Variants in CLUL1 observed in about 807,000 individuals in gnomAD.
The protein encoded by CLUL1 is clusterin-like protein 1.
Under a neutral mutation model 49.4 loss-of-function variants are expected in CLUL1, and 43 were observed. The ratio of observed to expected loss-of-function variants is 0.87; its 90% CI spans 0.68 to 1.12. The LOEUF is 1.12. CLUL1 is among the 50% of genes most tolerant of loss of function. CLUL1 has a pLI of 0.00. For synonymous variants in CLUL1, 192 were observed against 184.9 expected (o/e 1.04, Z -0.31); for missense variants, 486 against 544.4 (o/e 0.89, Z 1.07).
At chr18:626,849 A>G (rs1036192361) in intron 5 of CLUL1, among the ~76,000 whole-genome samples, 1 of 135,428 alleles carries the variant, frequency 7.4e-6, no homozygotes. Flanking sequence ...TGACAGAGCA[A>G]GACTCCATCT....
chr18:624,554 G>A (rs934593414), intron 4 of CLUL1, among the ~76,000 whole-genome samples: 4 of 152,154 alleles, frequency 2.6e-5, no homozygotes, highest in Non-Finnish European at 4.4e-5. Context: ...TTCCCAGATC[G>A]GGATGGCATC....
In CLUL1 at chr18:639,638, G is replaced by A. The variant is rs28664939; in HGVS notation, c.995-1689G>A. On this transcript the variant is annotated intron_variant, in intron 7 of 9. Coordinates refer to ENST00000692774, the MANE Select transcript of CLUL1 (RefSeq NM_001393344.1). ...AAATTAGCCAGGCATGGTGGCATGCGCCTGTAGTCCCAGCTACTCGGGAGG... is the reference window on the plus strand; with the variant it reads ...AAATTAGCCAGGCATGGTGGCATGCACCTGTAGTCCCAGCTACTCGGGAGG... Among the ~76,000 whole-genome samples the A allele has an allele frequency of 3.0e-3, 453 of 151,584 alleles. 3 individuals are homozygous for A. Among genetic ancestry groups the A allele is most frequent in the African/African-American group, 0.01 (430 of 41,274 alleles).
intron 2 of CLUL1, among the ~76,000 whole-genome samples, chr18:609,717 G>A (rs59817849): frequency 0.044 from 6,684 of 151,824 alleles, 501 homozygotes; most frequent in African/African-American, 0.15. Flanking sequence ...CCAGCTACTC[G>A]GGAGGCCGAG....
At chr18:604,495 C>T (rs184892866) in intron 1 of CLUL1, among the ~76,000 whole-genome samples, 1 of 152,296 alleles carries the variant, frequency 6.6e-6, no homozygotes, top group Non-Finnish European at 1.5e-5. Flanking sequence ...ATGCAATGTG[C>T]AGCCAGCAAG....
At chr18:624,402 T>A (rs2144038412) in intron 4 of CLUL1, among the ~76,000 whole-genome samples, 1 of 152,234 alleles carries the variant, frequency 6.6e-6, no homozygotes, top group African/African-American at 2.4e-5. Context: ...TTGCAATGTT[T>A]AAGGATATAC....
chr18:619,508 C>A, intron 4 of CLUL1, 147 bp downstream of exon 4: 1 of 783,714 alleles, frequency 1.3e-6, no homozygotes, highest in Non-Finnish European at 1.9e-6. Flanking sequence ...TTAAGGGAAG[C>A]TTCAGATTTC....
intron 1 of CLUL1, among the ~76,000 whole-genome samples, chr18:600,973 A>C (rs1249705675): frequency 6.6e-6 from 1 of 152,236 alleles, no homozygotes; most frequent in African/African-American, 2.4e-5. Context: ...TACTAAAACC[A>C]GGACAGTCCC....
intron 1 of CLUL1, among the ~76,000 whole-genome samples, chr18:601,032 C>T (rs912448079): frequency 2.6e-4 from 40 of 152,310 alleles, no homozygotes; most frequent in Non-Finnish European, 1.5e-4. Context: ...TCATCTGTCT[C>T]ATTAAAATAT....
At chr18:632,284 G>A (rs1337872283) in intron 6 of CLUL1, among the ~76,000 whole-genome samples, 1 of 151,990 alleles carries the variant, frequency 6.6e-6, no homozygotes, top group East Asian at 1.9e-4. Context: ...GTTCATAACA[G>A]TATATGCATC....
chr18:622,054 C>T (rs1466766630), intron 4 of CLUL1, among the ~76,000 whole-genome samples: 1 of 152,132 alleles, frequency 6.6e-6, no homozygotes, highest in Non-Finnish European at 1.5e-5. Context: ...ATCTGTTTAA[C>T]CCTGAGTATC....
Sources: allele counts gnomAD v4.1 joint callset (sites outside exome capture counted in the v4.1 genomes callset), GRCh38; gene constraint gnomAD v4.1.1; transcripts MANE v1.5; gene names NCBI Gene and HGNC (gene_info 2026-07-23, HGNC 2026-07-21).